The following SCN8A variants were observed in gnomAD, a reference collection of about 807,000 sequenced individuals.
SCN8A encodes sodium voltage-gated channel alpha subunit 8.
A neutral mutation model predicts 184.1 loss-of-function variants in SCN8A; 30 were observed. The ratio of observed to expected loss-of-function variants is 0.16; its 90% CI spans 0.12 to 0.22. The LOEUF (loss-of-function observed/expected upper bound fraction) is 0.22. SCN8A is among the 10% of genes least tolerant of loss of function. The probability of loss-of-function intolerance (pLI) is 1.00; values close to 1 mark genes in which losing one functional copy is unlikely to be tolerated. For missense variants in SCN8A, 1,057 were observed against 2,498.9 expected (o/e 0.42, Z 12.30); for synonymous variants, 852 against 907.0 (o/e 0.94, Z 1.09).
chr12:51,762,476 T>C (rs1257356299), intron 14 of SCN8A, 27 bp from the exon 15 acceptor site: 1 of 1,606,598 alleles, frequency 6.2e-7, no homozygotes. Flanking sequence ...TATTTATTTT[T>C]CTTACCCCCT....
chr12:51,772,212 A>G (rs1421070408), intron 19 of SCN8A, among the ~76,000 whole-genome samples: 1 of 152,046 alleles, frequency 6.6e-6, no homozygotes, highest in African/African-American at 2.4e-5. Flanking sequence ...CCTGACCGAT[A>G]TGGAGAAACC....
chr12:51,713,139 T>G (rs1203507060), intron 11 of SCN8A: 1 of 1,206,236 alleles, frequency 8.3e-7, no homozygotes. Flanking sequence ...CTTGCATAAC[T>G]TCTATGGTTT....
chr12:51,777,414 G>A (rs1305623262), intron 20 of SCN8A, among the ~76,000 whole-genome samples: 1 of 151,980 alleles, frequency 6.6e-6, no homozygotes, highest in Admixed American at 6.6e-5. Flanking sequence ...CACGTGCCAA[G>A]GCGCCCAGCT....
chr12:51,741,697 A>G (rs763716249), intron 12 of SCN8A, among the ~76,000 whole-genome samples: 1 of 151,966 alleles, frequency 6.6e-6, no homozygotes, highest in Non-Finnish European at 1.5e-5. Context: ...ATAATCCATT[A>G]TTTTATTTTA....
intron 14 of SCN8A, among the ~76,000 whole-genome samples, chr12:51,758,718 G>A (rs1404505438): frequency 1.3e-5 from 2 of 152,312 alleles, no homozygotes; most frequent in South Asian, 4.1e-4. Flanking sequence ...GATTATAGGC[G>A]TGAGCCACCG....
chr12:51,718,415 G>A (rs1942000201), intron 11 of SCN8A, among the ~76,000 whole-genome samples: 1 of 151,486 alleles, frequency 6.6e-6, no homozygotes, highest in Non-Finnish European at 1.5e-5. Context: ...GAGCCCAGGG[G>A]TTTGAGGCAT....
chr12:51,672,040 T>G (rs1264833248), intron 2 of SCN8A, among the ~76,000 whole-genome samples: 2 of 152,166 alleles, frequency 1.3e-5, no homozygotes, highest in Non-Finnish European at 2.9e-5. Context: ...TCCTCTGGAA[T>G]TTCACTCCTT....
chr12:51,690,859 C>CTA (rs1351744753), intron 6 of SCN8A, among the ~76,000 whole-genome samples: 3 of 152,134 alleles, frequency 2.0e-5, no homozygotes, highest in Admixed American at 6.5e-5. Context: ...AGATGAATTC[C>CTA]TATATTTTTA....
chr12:51,678,252 A>G (rs1941260217), intron 2 of SCN8A, among the ~76,000 whole-genome samples: 1 of 152,174 alleles, frequency 6.6e-6, no homozygotes, highest in African/African-American at 2.4e-5. Flanking sequence ...AGGGAAAAGC[A>G]TTGTGTGACG....
intron 1 of SCN8A, among the ~76,000 whole-genome samples, chr12:51,634,129 G>A (rs906299591): frequency 6.6e-6 from 1 of 152,184 alleles, no homozygotes; most frequent in African/African-American, 2.4e-5. Context: ...GCATGAATTA[G>A]AGGAAAATGT....
At chr12:51,627,445 G>A (rs780332081) in intron 1 of SCN8A, among the ~76,000 whole-genome samples, 9 of 152,136 alleles carry the variant, frequency 5.9e-5, no homozygotes, top group Non-Finnish European at 1.3e-4. Flanking sequence ...ACAGTGGCAC[G>A]ATCTCGGCTC....
intron 19 of SCN8A, 74 bp from the exon 20 acceptor site, chr12:51,774,115 C>A: frequency 2.8e-6 from 4 of 1,437,336 alleles, no homozygotes; most frequent in Non-Finnish European, 3.8e-6. Context: ...GGACGGCTCC[C>A]TGAGGATAGC....
chr12:51,765,745 T>G lies in SCN8A; in HGVS notation c.2619T>G (p.Gly873=). ...MLIKIIGNSV[G]ALGNLTLVLA... ...TCAAGATTATTGGAAATTCAGTGGG[T>G]GCCCTGGGCAACCTGACACTGGTGC... Residue 873 remains glycine, a synonymous_variant, in exon 16 of 27, where the codon GGT becomes GGG. Coordinates refer to ENST00000627620, the MANE Select transcript of SCN8A (RefSeq NM_001330260.2). 1 of 1,613,684 alleles carries G rather than the reference T, an allele frequency of 6.2e-7. No homozygotes were observed. Among genetic ancestry groups the G allele is most frequent in the Non-Finnish European group, 8.5e-7 (1 of 1,179,834 alleles).
At chr12:51,751,698 T>C in intron 14 of SCN8A, 105 bp downstream of exon 14, 3 of 835,486 alleles carry the variant, frequency 3.6e-6, no homozygotes, top group South Asian at 3.6e-5. Context: ...AAGAAAGTAA[T>C]AGTTAATTGG....
At position 51,751,570 on chromosome 12, in the gene SCN8A, C is replaced by T. The variant is rs1200135027; in HGVS notation, c.2347C>T (p.His783Tyr). ...CCATCCTATGACACCACAATTTGAA[C>T]ATGTCTTGGCTGTAGGAAATCTGGT... ...EHHPMTPQFE[H>Y]VLAVGNLVFT... The change falls in exon 14 of 27, where the codon CAT becomes TAT. Residue 783 changes from histidine (H) to tyrosine (Y), a missense_variant. Transcript: ENST00000627620. The T allele has an allele frequency of 1.2e-6, 2 of 1,613,182 alleles. No individual in the cohort carries two copies. Among genetic ancestry groups the T allele is most frequent in the Non-Finnish European group, 1.7e-6 (2 of 1,179,380 alleles).
chr12:51,776,213 C>A (rs763543673), intron 20 of SCN8A, among the ~76,000 whole-genome samples: 1 of 152,192 alleles, frequency 6.6e-6, no homozygotes, highest in Non-Finnish European at 1.5e-5. Context: ...TGGTCTGGAA[C>A]TCCTTGGCCT....
intron 1 of SCN8A, among the ~76,000 whole-genome samples, chr12:51,656,795 A>G (rs767836729): frequency 2.0e-4 from 30 of 152,042 alleles, no homozygotes; most frequent in Non-Finnish European, 3.8e-4. Context: ...GTGAGGTACC[A>G]CTTTACACCC....
intron 1 of SCN8A, among the ~76,000 whole-genome samples, chr12:51,656,500 AG>A (rs909093706): frequency 1.3e-5 from 2 of 152,210 alleles, no homozygotes; most frequent in African/African-American, 2.4e-5. Flanking sequence ...CCATTAAGAC[AG>A]GTGAAAGAGA....
At chr12:51,600,130 A>G (rs1418800071) in intron 1 of SCN8A, among the ~76,000 whole-genome samples, 2 of 152,152 alleles carry the variant, frequency 1.3e-5, no homozygotes, top group Non-Finnish European at 2.9e-5. Flanking sequence ...AATCTTCTGA[A>G]CTTTATTATC....
Sources: allele counts gnomAD v4.1 joint callset (sites outside exome capture counted in the v4.1 genomes callset), GRCh38; gene constraint gnomAD v4.1.1; transcripts MANE v1.5; gene names NCBI Gene and HGNC (gene_info 2026-07-23, HGNC 2026-07-21).